SMYD2: variants seen among roughly 807,000 people sequenced by gnomAD.
The protein encoded by SMYD2 is N-lysine methyltransferase SMYD2.
A neutral mutation model predicts 59.1 loss-of-function variants in SMYD2; 53 were observed. That is an observed-to-expected ratio of 0.90 (90% CI 0.72 to 1.13). The LOEUF is 1.13. SMYD2 is among the 50% of genes most tolerant of loss of function. SMYD2 has a pLI of 0.00. For synonymous variants in SMYD2, 208 were observed against 198.8 expected, an observed-to-expected ratio of 1.05 and a Z score of -0.39; for missense variants, 494 against 544.7, an observed-to-expected ratio of 0.91 and a Z score of 0.93.
intron 3 of SMYD2, among the ~76,000 whole-genome samples, chr1:214,317,174 C>T (rs1043995395): frequency 6.6e-6 from 1 of 152,076 alleles, no homozygotes; most frequent in African/African-American, 2.4e-5. Flanking sequence ...TATTTCGGCA[C>T]CAGGAGGGTA....
At chr1:214,319,998 C>A (rs74457059) in intron 5 of SMYD2, among the ~76,000 whole-genome samples, 1 of 151,806 alleles carries the variant, frequency 6.6e-6, no homozygotes, top group Non-Finnish European at 1.5e-5. Flanking sequence ...CAGAGATTTA[C>A]GTACAAATTG....
intron 2 of SMYD2, among the ~76,000 whole-genome samples, chr1:214,311,123 A>G (rs926650122): frequency 6.6e-6 from 1 of 152,192 alleles, no homozygotes; most frequent in Non-Finnish European, 1.5e-5. Flanking sequence ...GTGTACTTTT[A>G]TCTTGGTTCT....
chr1:214,321,056 C>T (rs1657165131), intron 5 of SMYD2, among the ~76,000 whole-genome samples: 1 of 152,076 alleles, frequency 6.6e-6, no homozygotes, highest in Non-Finnish European at 1.5e-5. Flanking sequence ...GATAGCTTTT[C>T]CTCTAACACA....
chr1:214,331,225 C>A, intron 9 of SMYD2, 155 bp downstream of exon 9: 1 of 1,059,356 alleles, frequency 9.4e-7, no homozygotes, highest in Non-Finnish European at 1.3e-6. Flanking sequence ...ACTGACCACC[C>A]ACAATGTGGT....
intron 6 of SMYD2, 84 bp from the exon 7 acceptor site, chr1:214,327,538 C>T (rs1657282324): frequency 5.4e-6 from 6 of 1,106,208 alleles, no homozygotes. Flanking sequence ...TTCAGTTCCT[C>T]TGACTTAGCA....
chr1:214,305,956 A>G (rs1025026608), intron 2 of SMYD2, among the ~76,000 whole-genome samples: 3 of 152,248 alleles, frequency 2.0e-5, no homozygotes, highest in African/African-American at 7.2e-5. Flanking sequence ...AATGCATTTC[A>G]TGTTCAAACA....
Position 214,334,245 on chromosome 1 carries a change from G to A in SMYD2, c.1158G>A (p.Leu386=). 6.2e-7 allele frequency: 1 copy of A among 1,614,062 alleles called. No homozygotes were observed. Among genetic ancestry groups the A allele is most frequent in the Non-Finnish European group, 8.5e-7 (1 of 1,180,032 alleles). The stretch of plus-strand genomic sequence containing the variant: ...CCCTCAACGTGGCCTCCATGTGGTT[G>A]AAGCTAGGGAGACTCTACATGGGCC... The part of the protein sequence containing the change: ...LYSLNVASMW[L]KLGRLYMGLE... The change falls in exon 11 of 12, where the codon TTG becomes TTA. Residue 386 remains leucine, a synonymous_variant. Coordinates refer to ENST00000366957, the MANE Select transcript of SMYD2 (RefSeq NM_020197.3).
chr1:214,303,408 T>C (rs1656857775), intron 1 of SMYD2, among the ~76,000 whole-genome samples: 1 of 152,200 alleles, frequency 6.6e-6, no homozygotes, highest in Non-Finnish European at 1.5e-5. Flanking sequence ...TTGTTTCTTC[T>C]ATATTCCAAA....
chr1:214,318,219 G>T lies in SMYD2; in HGVS notation c.409+80G>T. 1 of 1,343,782 alleles carries T rather than the reference G, an allele frequency of 7.4e-7. No homozygotes were observed. The allele number at this position is 1,343,782 out of a possible 1,614,324, so 83.2% of individuals were successfully genotyped here. A position where few individuals can be genotyped will look rare whatever the true frequency, so the allele number is the denominator to read the frequency against. ...GTTGGGCAGGATTGAAGCGAGGACG[G>T]GCTAGTTTGTGCTCAGAGGAGTAGT... On this transcript the variant is annotated intron_variant, in intron 4 of 11. Coordinates refer to ENST00000366957, the MANE Select transcript of SMYD2 (RefSeq NM_020197.3). The surrounding 1 kb of genome is among the most constrained non-coding windows in gnomAD (Gnocchi z 5.4).
At chr1:214,317,208 T>C (rs1378833649) in intron 3 of SMYD2, among the ~76,000 whole-genome samples, 1 of 152,190 alleles carries the variant, frequency 6.6e-6, no homozygotes, top group Non-Finnish European at 1.5e-5. Context: ...GATGAGTTTA[T>C]ACAAGCTTCA....
At chr1:214,334,361 C>T (rs954223658) in intron 11 of SMYD2, 53 bp downstream of exon 11, 41 of 1,484,764 alleles carry the variant, frequency 2.8e-5, no homozygotes, top group Admixed American at 1.0e-4. Flanking sequence ...GCCTCCTTAG[C>T]GCACCTCCTT....
chr1:214,286,749 CAAAA>C (rs5780769), intron 1 of SMYD2, among the ~76,000 whole-genome samples: 3 of 72,060 alleles, frequency 4.2e-5, no homozygotes, highest in African/African-American at 5.5e-5. Context: ...GCCTCCATCT[CAAAA>C]AAAAAAAAAA....
rs34049644 is a variant in SMYD2, at chr1:214,284,254, G to GTTTTTT, written c.173+2845_173+2850dup. ...CCATTTATCACCATTTTTTGGTGTGGTTTTTTTTTTTTTTTTTTTTTTTGA... is the reference window on the plus strand; with the variant it reads ...CCATTTATCACCATTTTTTGGTGTGGTTTTTTTTTTTTTTTTTTTTTTTTTTTTTGA... On this transcript the variant is annotated intron_variant, in intron 1 of 11. Transcript: ENST00000366957. Among the ~76,000 whole-genome samples the GTTTTTT allele has an allele frequency of 2.1e-3, 189 of 90,316 alleles. 1 individual carries two copies. Among genetic ancestry groups the GTTTTTT allele is most frequent in the Non-Finnish European group, 2.4e-3 (120 of 50,194 alleles). 59.3% of individuals were successfully genotyped at this position (90,316 alleles called of 152,430 possible). A position where few individuals can be genotyped will look rare whatever the true frequency, so the allele number is the denominator to read the frequency against.
chr1:214,303,801 G>A (rs1192254902), intron 1 of SMYD2, among the ~76,000 whole-genome samples: 3 of 152,308 alleles, frequency 2.0e-5, no homozygotes, highest in Middle Eastern at 3.4e-3. Flanking sequence ...GCACGCCCCC[G>A]CCCCCGTCAG....
intron 1 of SMYD2, among the ~76,000 whole-genome samples, chr1:214,299,465 T>TTTTATATATATATATATA (rs1553254477): frequency 1.4e-5 from 1 of 71,612 alleles, no homozygotes; most frequent in African/African-American, 7.4e-5. Context: ...AAAGAAAACA[T>TTTTATATATATATATATA]TATATATATA....
chr1:214,330,163 CG>C lies in SMYD2; in HGVS notation c.706-4del, dbSNP rs1486682641. ...ACTGAAGCTTTATCTTTTTGGACCC[CG>C]TAGGTTTTTACCAGCTATATTGATC... On this transcript the variant is annotated splice_region_variant and splice_polypyrimidine_tract_variant and intron_variant, in intron 7 of 11. Coordinates refer to ENST00000366957, the MANE Select transcript of SMYD2 (RefSeq NM_020197.3). The C allele has an allele frequency of 5.7e-6, 9 of 1,587,922 alleles. No homozygotes were observed. Among genetic ancestry groups the C allele is most frequent in the Non-Finnish European group, 6.9e-6 (8 of 1,161,756 alleles).
intron 7 of SMYD2, among the ~76,000 whole-genome samples, chr1:214,329,007 C>T (rs532021056): frequency 6.6e-6 from 1 of 152,210 alleles, no homozygotes; most frequent in Non-Finnish European, 1.5e-5. Flanking sequence ...TGGCCTTTGT[C>T]GCCATCTTCT....
intron 1 of SMYD2, among the ~76,000 whole-genome samples, chr1:214,304,961 T>G (rs1020659387): frequency 6.6e-6 from 1 of 152,178 alleles, no homozygotes; most frequent in Non-Finnish European, 1.5e-5. Context: ...CTCTTCATAC[T>G]GGTGGGTTTG....
At chr1:214,292,234 A>G (rs1656647380) in intron 1 of SMYD2, among the ~76,000 whole-genome samples, 1 of 152,154 alleles carries the variant, frequency 6.6e-6, no homozygotes, top group Non-Finnish European at 1.5e-5. Flanking sequence ...CTCAGGAGCC[A>G]TATCTGAGTC....
Sources: gnomAD v4.1 joint callset for allele counts (sites outside exome capture counted in the v4.1 genomes callset) on GRCh38, gnomAD v4.1.1 for gene constraint, Gnocchi (gnomAD v3.1) non-coding constraint, MANE v1.5 for transcripts, NCBI Gene and HGNC (gene_info 2026-07-23, HGNC 2026-07-21) for gene names.